The following EIF4A1 variants were observed in gnomAD, a reference collection of about 807,000 sequenced individuals.
EIF4A1 encodes the protein eukaryotic initiation factor 4A-I.
In EIF4A1, 11 loss-of-function variants were observed where a neutral mutation model predicts 53.5. The ratio of observed to expected loss-of-function variants is 0.21; its 90% CI spans 0.13 to 0.34. EIF4A1 has a LOEUF of 0.34. Among genes scored for constraint, EIF4A1 ranks in the 10% least tolerant of loss-of-function variants. EIF4A1 has a pLI of 1.00. For missense variants in EIF4A1, 213 were observed against 530.8 expected, an observed-to-expected ratio of 0.40 and a Z score of 5.88; for synonymous variants, 237 against 186.7, an observed-to-expected ratio of 1.27 and a Z score of -2.20.
At chr17:7,574,910 TCCAGCTTGGTGTGCAATA>T in intron 3 of EIF4A1, 191 bp from the exon 4 acceptor site, 1 of 1,021,514 alleles carries the variant, frequency 9.8e-7, no homozygotes, top group Non-Finnish European at 1.5e-6. Flanking sequence ...ATGTTTCTAG[TCCAGCTTGGTGTGCAATA>T]CTAGATGAGT....
Position 7,578,504 on chromosome 17 carries a change from C to G in EIF4A1, c.*18C>G, listed in dbSNP as rs751368160. 5.8e-6 allele frequency: 9 copies of G among 1,559,890 alleles called. No individual in the cohort carries two copies. The highest frequency in any genetic ancestry group is 1.8e-5 in the Admixed American group (1 of 54,710). On this transcript the variant is annotated 3_prime_UTR_variant, in exon 11 of 11. Transcript: ENST00000293831. ...TCATCTGAGGGGCTGTCCTGCCACC[C>G]AGCCCCAGCCAGGGCTCAATCTCTG...
Position 7,578,855 on chromosome 17 carries a change from A to G in EIF4A1, c.*369A>G, listed in dbSNP as rs781219405. On this transcript the variant is annotated 3_prime_UTR_variant, in exon 11 of 11. Transcript: ENST00000293831. ...GACCAAATCTGGAGGGAGAACCCCT[A>G]AAACCCCTAAGTGAGGTTGCCCAGG... is the stretch of plus-strand genomic sequence containing the variant. The G allele has an allele frequency of 4.0e-5, 7 of 174,912 alleles. No individual in the cohort carries two copies. The highest frequency in any genetic ancestry group is 8.5e-5 in the Non-Finnish European group (7 of 82,406). The allele number at this position is 174,912 out of a possible 1,614,324, so 10.8% of individuals were successfully genotyped here.
rs187548838 is a variant in EIF4A1, at chr17:7,576,001, C to T, written c.346-523C>T. On this transcript the variant is annotated intron_variant, in intron 4 of 10. Transcript: ENST00000293831. ...CAGCCTGGCCAACATAGTGAAACCC[C>T]GCTTCTACTAAAAATACAAAAATTA... The T allele has an allele frequency of 6.8e-4, 106 of 155,652 alleles. 2 individuals carry two copies. In the South Asian group the frequency reaches 0.019, roughly 28 times the overall value. 9.6% of individuals were successfully genotyped at this position (155,652 alleles called of 1,614,324 possible).
In EIF4A1 at chr17:7,578,629, A is replaced by G. The variant is rs2071435395; in HGVS notation, c.*143A>G. 2 of 1,046,862 alleles carry G rather than the reference A, an allele frequency of 1.9e-6. No individual in the cohort carries two copies. Among genetic ancestry groups the G allele is most frequent in the Non-Finnish European group, 1.3e-6 (1 of 780,406 alleles). The allele number at this position is 1,046,862 out of a possible 1,614,324, so 64.8% of individuals were successfully genotyped here. On this transcript the variant is annotated 3_prime_UTR_variant, in exon 11 of 11. Transcript: ENST00000293831. ...TAAATGTCACTTTTTGAGGCAAAAG[A>G]AGGAACCGTGAACATTTTAGACACC...
intron 3 of EIF4A1, 92 bp downstream of exon 3, chr17:7,574,770 G>A (rs1760356403): frequency 6.3e-7 from 1 of 1,591,312 alleles, no homozygotes; most frequent in South Asian, 1.1e-5. Context: ...ATATCAGCCA[G>A]GGACAAAGCA....
At chr17:7,574,894 A>T in intron 3 of EIF4A1, 1 of 1,040,838 alleles carries the variant, frequency 9.6e-7, no homozygotes, top group Non-Finnish European at 1.5e-6. Context: ...ATTTGCATCT[A>T]CAGCCATGTT....
intron 3 of EIF4A1, chr17:7,574,915 C>A: frequency 9.8e-7 from 1 of 1,015,930 alleles, no homozygotes; most frequent in Non-Finnish European, 1.5e-6. Flanking sequence ...TCTAGTCCAG[C>A]TTGGTGTGCA....
intron 4 of EIF4A1, chr17:7,576,164 T>C (rs1281460402): frequency 6.1e-6 from 1 of 165,054 alleles, no homozygotes; most frequent in African/African-American, 2.4e-5. Flanking sequence ...CAAAGCTCTG[T>C]CTCAAAAAAA....
intron 1 of EIF4A1, among the ~76,000 whole-genome samples, 187 bp downstream of exon 1, chr17:7,573,051 G>A (rs1287712958): frequency 1.3e-5 from 2 of 152,178 alleles, no homozygotes; most frequent in Non-Finnish European, 2.9e-5. Context: ...CGAGGCGGAG[G>A]GTAGGGACAG....
Position 7,578,682 on chromosome 17 carries a change from A to C in EIF4A1, c.*196A>C. The C allele has an allele frequency of 2.2e-6, 1 of 464,538 alleles. No individual in the cohort carries two copies. The highest frequency in any genetic ancestry group is 3.5e-6 in the Non-Finnish European group (1 of 288,418). The allele number at this position is 464,538 out of a possible 1,614,324, so 28.8% of individuals were successfully genotyped here. A position where few individuals can be genotyped will look rare whatever the true frequency, so the allele number is the denominator to read the frequency against. On this transcript the variant is annotated 3_prime_UTR_variant, in exon 11 of 11. Transcript: ENST00000293831. The stretch of plus-strand genomic sequence containing the variant: ...TTTCTTTGGGGTAGGCTCTTGCCCC[A>C]GGCGCCGGCTCTTCTCCCAAAAAAA...
At chr17:7,576,398 A>G (rs977465049) in intron 4 of EIF4A1, 126 bp from the exon 5 acceptor site, 1 of 1,256,602 alleles carries the variant, frequency 8.0e-7, no homozygotes, top group Non-Finnish European at 1.1e-6. Context: ...TTCTCAGCTG[A>G]ATGTGAGTTT....
intron 1 of EIF4A1, 31 bp downstream of exon 1, chr17:7,572,895 T>C (rs1215478006): frequency 6.2e-7 from 1 of 1,614,004 alleles, no homozygotes; most frequent in East Asian, 2.2e-5. Context: ...AGATTGTGGC[T>C]GCTTATTTTG....
chr17:7,576,562 C>T lies in EIF4A1; in HGVS notation c.384C>T (p.Gly128=), dbSNP rs141394259. ...TCATGGCACTAGGAGACTACATGGG[C>T]GCCTCCTGTCACGCCTGTATCGGGG... The part of the protein sequence containing the change: ...KVVMALGDYM[G]ASCHACIGGT... The change falls in exon 5 of 11, where the codon GGC becomes GGT. Residue 128 remains glycine, a synonymous_variant. Coordinates refer to ENST00000293831, the MANE Select transcript of EIF4A1 (RefSeq NM_001416.4). 63 of 1,609,836 alleles carry T rather than the reference C, an allele frequency of 3.9e-5. No homozygotes were observed. The highest frequency in any genetic ancestry group is 4.8e-5 in the Non-Finnish European group (56 of 1,178,026).
At position 7,574,623 on chromosome 17, in the gene EIF4A1, T is replaced by C; in HGVS notation, c.150T>C (p.Tyr50=). 6.2e-7 allele frequency: 1 copy of C among 1,612,300 alleles called. No individual in the cohort carries two copies. Among genetic ancestry groups the C allele is most frequent in the Non-Finnish European group, 8.5e-7 (1 of 1,180,028 alleles). The part of the protein sequence containing the change: ...SESLLRGIYA[Y]GFEKPSAIQQ... ...CCCTTCTCCGTGGCATCTACGCGTA[T>C]GGTTTTGAGAAGCCCTCTGCCATCC... Residue 50 remains tyrosine, a synonymous_variant, in exon 3 of 11, where the codon TAT becomes TAC. Transcript: ENST00000293831.
At chr17:7,575,920 C>T (rs918441033) in intron 4 of EIF4A1, 7 of 163,918 alleles carry the variant, frequency 4.3e-5, no homozygotes, top group African/African-American at 1.7e-4. Context: ...CTCGTATAAT[C>T]CCAACACTTT....
chr17:7,575,330 GTCT>G (rs773606961), intron 4 of EIF4A1, 72 bp downstream of exon 4: 16 of 1,603,920 alleles, frequency 1.0e-5, no homozygotes, highest in Non-Finnish European at 1.3e-5. Flanking sequence ...GACCAGAGAA[GTCT>G]TCTCTGATCA....
At chr17:7,574,433 G>A (rs1409933630) in intron 2 of EIF4A1, 113 bp from the exon 3 acceptor site, 6 of 1,601,248 alleles carry the variant, frequency 3.7e-6, no homozygotes, top group East Asian at 2.2e-5. Flanking sequence ...AAGGGAGGAG[G>A]GTTGTAAGCT....
At position 7,578,405 on chromosome 17, in the gene EIF4A1, C is replaced by T. The variant is rs368951361; in HGVS notation, c.1140C>T (p.Asp380=). 85 of 1,613,734 alleles carry T rather than the reference C, an allele frequency of 5.3e-5. No homozygotes were observed. The highest frequency in any genetic ancestry group is 7.1e-5 in the Non-Finnish European group (84 of 1,179,864). The part of the protein sequence containing the change: ...GVAINMVTEE[D]KRTLRDIETF... ...CTATTAACATGGTGACAGAAGAAGA[C>T]AAGAGGACTCTTCGAGACATTGAGA... The change falls in exon 11 of 11, where the codon GAC becomes GAT. Residue 380 remains aspartate, a synonymous_variant. Transcript: ENST00000293831.
At chr17:7,576,911 G>A (rs2071409589) in intron 5 of EIF4A1, 145 bp from the exon 6 acceptor site, 1 of 1,330,696 alleles carries the variant, frequency 7.5e-7, no homozygotes, top group African/African-American at 1.4e-5. Flanking sequence ...CTGCCTGGCG[G>A]GAAGGTCCTG....
Sources: allele counts gnomAD v4.1 joint callset (sites outside exome capture counted in the v4.1 genomes callset), GRCh38; gene constraint gnomAD v4.1.1; transcripts MANE v1.5; gene names NCBI Gene and HGNC (gene_info 2026-07-23, HGNC 2026-07-21).